Variants in PLXNA4 observed in about 807,000 individuals in gnomAD.
PLXNA4 encodes plexin-A4.
Under a neutral mutation model 191.8 loss-of-function variants are expected in PLXNA4, and 44 were observed. The observed-to-expected ratio is 0.23, with a 90% CI of 0.18 to 0.29. The LOEUF (loss-of-function observed/expected upper bound fraction) is 0.29. Among genes scored for constraint, PLXNA4 ranks in the 10% least tolerant of loss-of-function variants. The pLI, the probability that PLXNA4 is intolerant of heterozygous loss-of-function variation, is 1.00. For synonymous variants in PLXNA4, 1,082 were observed against 1,009.5 expected (o/e 1.07, Z -1.36); for missense variants, 1,800 against 2,488.8 (o/e 0.72, Z 5.89).
intron 2 of PLXNA4, among the ~76,000 whole-genome samples, chr7:132,605,769 T>G (rs547269630): frequency 2.3e-4 from 35 of 151,870 alleles, no homozygotes; most frequent in Non-Finnish European, 4.9e-4. Context: ...GGGTGAACCC[T>G]AATCCAATAT....
rs956861338 is a variant in PLXNA4, at chr7:132,326,007, G to A, written c.1372-27785C>T. ...TGGGCTGCAGGGTGCCCAGACAGCTGGCTAAACTTTATTCTGAGTGCACCT... is the reference window on the plus strand; with the variant it reads ...TGGGCTGCAGGGTGCCCAGACAGCTAGCTAAACTTTATTCTGAGTGCACCT... On this transcript the variant is annotated intron_variant, in intron 3 of 31. Transcript: ENST00000321063. Among the ~76,000 whole-genome samples the A allele has an allele frequency of 6.6e-5, 10 of 152,136 alleles. 1 individual carries two copies. Among genetic ancestry groups the A allele is most frequent in the Admixed American group, 2.6e-4 (4 of 15,282 alleles).
intron 3 of PLXNA4, among the ~76,000 whole-genome samples, chr7:132,409,081 A>C (rs930019050): frequency 6.6e-6 from 1 of 152,184 alleles, no homozygotes; most frequent in African/African-American, 2.4e-5. Flanking sequence ...CTTCTAGAAG[A>C]TGCAGCTGTT....
intron 16 of PLXNA4, among the ~76,000 whole-genome samples, chr7:132,185,002 C>T (rs1199557899): frequency 6.6e-6 from 1 of 152,164 alleles, no homozygotes; most frequent in Non-Finnish European, 1.5e-5. Context: ...CCTGGCACCC[C>T]CAGCAGTCAC....
chr7:132,554,487 G>A (rs1800703137), intron 1 of PLXNA4, among the ~76,000 whole-genome samples: 1 of 152,182 alleles, frequency 6.6e-6, no homozygotes, highest in Non-Finnish European at 1.5e-5. Context: ...TTTCTCCACA[G>A]TCAACCAGTG....
intron 4 of PLXNA4, among the ~76,000 whole-genome samples, chr7:132,248,010 T>G (rs757440090): frequency 6.6e-6 from 1 of 152,198 alleles, no homozygotes; most frequent in Non-Finnish European, 1.5e-5. Context: ...TATGGCCTCA[T>G]GGTGAATAGA....
At chr7:132,299,306 G>A (rs921084762) in intron 3 of PLXNA4, among the ~76,000 whole-genome samples, 1 of 152,092 alleles carries the variant, frequency 6.6e-6, no homozygotes, top group Non-Finnish European at 1.5e-5. Context: ...TTCCCATTAG[G>A]CACTCTTATT....
chr7:132,585,401 A>G (rs76985038), intron 2 of PLXNA4, among the ~76,000 whole-genome samples: 1,865 of 152,208 alleles, frequency 0.012, 42 homozygotes, highest in African/African-American at 0.042. Context: ...AAGAAAAGCC[A>G]GAGACAGGCA....
intron 1 of PLXNA4, among the ~76,000 whole-genome samples, chr7:132,541,527 T>C (rs1585303947): frequency 6.6e-6 from 1 of 152,374 alleles, no homozygotes; most frequent in South Asian, 2.1e-4. Context: ...TATGTCTTGA[T>C]AGAGATGGAA....
chr7:132,251,297 A>T (rs1191421673), intron 4 of PLXNA4, among the ~76,000 whole-genome samples: 1 of 152,158 alleles, frequency 6.6e-6, no homozygotes, highest in Admixed American at 6.5e-5. Flanking sequence ...TCTTTTAGCA[A>T]ATGACACAGA....
intron 5 of PLXNA4, among the ~76,000 whole-genome samples, chr7:132,230,073 G>A (rs758912192): frequency 7.2e-5 from 11 of 152,170 alleles, no homozygotes; most frequent in East Asian, 1.9e-4. Flanking sequence ...TGTGCAATGC[G>A]AAAGTAAAAA....
chr7:132,152,703 T>G (rs540850456), intron 25 of PLXNA4, among the ~76,000 whole-genome samples: 9 of 152,212 alleles, frequency 5.9e-5, no homozygotes, highest in Non-Finnish European at 7.4e-5. Flanking sequence ...CTCTTGGGCA[T>G]TTTTTGCCTG....
At chr7:132,565,981 C>T (rs1035317093) in intron 1 of PLXNA4, among the ~76,000 whole-genome samples, 7 of 152,180 alleles carry the variant, frequency 4.6e-5, no homozygotes, top group Admixed American at 2.6e-4. Context: ...CAGTTGGGTT[C>T]GAACTCAGCT....
chr7:132,182,202 G>T lies in PLXNA4; in HGVS notation c.3159-12C>A. On this transcript the variant is annotated splice_polypyrimidine_tract_variant and intron_variant, in intron 16 of 31. Coordinates refer to ENST00000321063, the MANE Select transcript of PLXNA4 (RefSeq NM_020911.2). ...TGGGTGTGTTTCCACTGAGCAGGAA[G>T]AAAGAAGGAGATGTGTAAATGATAA... 6.2e-7 allele frequency: 1 copy of T among 1,613,766 alleles called. No individual in the cohort carries two copies. The highest frequency in any genetic ancestry group is 1.7e-5 in the Admixed American group (1 of 60,012).
intron 2 of PLXNA4, among the ~76,000 whole-genome samples, chr7:132,633,177 T>C (rs986091233): frequency 6.6e-6 from 1 of 152,070 alleles, no homozygotes; most frequent in East Asian, 1.9e-4. Flanking sequence ...AAGCCAGTGT[T>C]CTGAGTGGGC....
intron 2 of PLXNA4, among the ~76,000 whole-genome samples, chr7:132,613,871 G>T (rs148595309): frequency 6.6e-6 from 1 of 152,218 alleles, no homozygotes; most frequent in South Asian, 2.1e-4. Context: ...AGAAAAAAAT[G>T]TTCCACAGTT....
chr7:132,155,707 C>G (rs1242331196), intron 25 of PLXNA4, among the ~76,000 whole-genome samples: 2 of 152,200 alleles, frequency 1.3e-5, no homozygotes, highest in African/African-American at 4.8e-5. Flanking sequence ...CTGTCCTTCC[C>G]CAGCTTCCAA....
intron 2 of PLXNA4, among the ~76,000 whole-genome samples, chr7:132,618,781 T>C (rs1480244267): frequency 2.0e-5 from 3 of 152,188 alleles, no homozygotes; most frequent in Admixed American, 1.3e-4. Flanking sequence ...CAATTTTAAT[T>C]AGAGACAAGA....
chr7:132,549,030 C>G (rs115034720), intron 1 of PLXNA4, among the ~76,000 whole-genome samples: 1 of 152,150 alleles, frequency 6.6e-6, no homozygotes, highest in Non-Finnish European at 1.5e-5. Context: ...AATGGAGGAA[C>G]CCTCAGTTCT....
chr7:132,582,179 G>C (rs1802414533), upstream of PLXNA4, among the ~76,000 whole-genome samples: 2 of 152,192 alleles, frequency 1.3e-5, no homozygotes, highest in South Asian at 4.1e-4. Context: ...CTCTCTCTTG[G>C]CACTGCCTAG....
Sources: gnomAD v4.1 joint callset for allele counts (sites outside exome capture counted in the v4.1 genomes callset) on GRCh38, gnomAD v4.1.1 for gene constraint, MANE v1.5 for transcripts, NCBI Gene and HGNC (gene_info 2026-07-23, HGNC 2026-07-21) for gene names.